Variants in SPAG16 observed in about 807,000 individuals in gnomAD.
SPAG16 encodes the protein sperm-associated antigen 16 protein.
Under a neutral mutation model 80.4 loss-of-function variants are expected in SPAG16, and 86 were observed. The observed-to-expected ratio is 1.07, with a 90% CI of 0.90 to 1.28. The LOEUF (loss-of-function observed/expected upper bound fraction) is 1.28, where lower values mean the gene tolerates loss of function less well. SPAG16 is among the 50% of genes most tolerant of loss of function. The pLI is 0.00. For missense variants in SPAG16, 870 were observed against 765.3 expected (o/e 1.14, Z -1.61); for synonymous variants, 294 against 265.9 (o/e 1.11, Z -1.03).
chr2:213,561,054 A>C (rs955348152), intron 10 of SPAG16, among the ~76,000 whole-genome samples: 3 of 152,020 alleles, frequency 2.0e-5, no homozygotes, highest in Non-Finnish European at 2.9e-5. Context: ...GGTAGAGATG[A>C]GGTTTCAATA....
chr2:214,382,196 A>G (rs1374494395), intron 15 of SPAG16, among the ~76,000 whole-genome samples: 1 of 152,236 alleles, frequency 6.6e-6, no homozygotes, highest in Non-Finnish European at 1.5e-5. Context: ...AGAAAGATCA[A>G]ATCCTCACAG....
rs1041627803 is a variant in SPAG16 at position 213,707,965 on chromosome 2, T to A, written c.1071-154520T>A. Among the ~76,000 whole-genome samples the A allele has an allele frequency of 2.6e-5, 4 of 152,180 alleles. No homozygotes were observed. In the South Asian group the frequency reaches 8.3e-4, roughly 31 times the overall value. ...AGAGTAATGAAAATGTTTTTATCTT[T>A]CTAGGTTACAAATCAATACTATGAC... is the stretch of plus-strand genomic sequence containing the variant. On this transcript the variant is annotated intron_variant, in intron 10 of 15. Coordinates refer to ENST00000331683, the MANE Select transcript of SPAG16 (RefSeq NM_024532.5).
intron 10 of SPAG16, among the ~76,000 whole-genome samples, chr2:213,794,186 T>C (rs2070878262): frequency 6.6e-6 from 1 of 152,132 alleles, no homozygotes; most frequent in Non-Finnish European, 1.5e-5. Flanking sequence ...AGAGTAGTTC[T>C]CCTGTTGTAT....
intron 15 of SPAG16, chr2:214,241,032 T>TAAAG (rs1689429453): frequency 6.6e-6 from 1 of 152,006 alleles, no homozygotes; most frequent in Admixed American, 6.6e-5. Flanking sequence ...CAGCTGTACA[T>TAAAG]AAAGATGGAT....
chr2:213,428,129 A>C (rs943188655), intron 9 of SPAG16, among the ~76,000 whole-genome samples: 1 of 152,226 alleles, frequency 6.6e-6, no homozygotes, highest in Non-Finnish European at 1.5e-5. Flanking sequence ...GCACACAGGA[A>C]TTCAACATAA....
chr2:214,156,700 A>G (rs1000109374), intron 15 of SPAG16, among the ~76,000 whole-genome samples: 4 of 152,228 alleles, frequency 2.6e-5, no homozygotes, highest in South Asian at 4.2e-4. Flanking sequence ...CCCTGAGCCC[A>G]GGTTGCAGCA....
intron 10 of SPAG16, among the ~76,000 whole-genome samples, chr2:213,622,327 A>C (rs937656905): frequency 6.6e-6 from 1 of 152,188 alleles, no homozygotes; most frequent in Admixed American, 6.5e-5. Flanking sequence ...TCAGATCACC[A>C]TGTCCAGACA....
At chr2:213,507,991 C>A (rs1291304762) in intron 10 of SPAG16, among the ~76,000 whole-genome samples, 1 of 152,210 alleles carries the variant, frequency 6.6e-6, no homozygotes, top group East Asian at 1.9e-4. Flanking sequence ...ATGATTGATA[C>A]TTTAAGCTCA....
At chr2:214,069,263 G>C (rs150822655) in intron 13 of SPAG16, among the ~76,000 whole-genome samples, 3 of 152,166 alleles carry the variant, frequency 2.0e-5, no homozygotes, top group Admixed American at 1.3e-4. Flanking sequence ...CCATTGAAAG[G>C]GTTTAATTTT....
chr2:213,571,825 C>A (rs1354738831), intron 10 of SPAG16, among the ~76,000 whole-genome samples: 1 of 111,252 alleles, frequency 9.0e-6, no homozygotes, highest in Non-Finnish European at 1.7e-5. Context: ...TAATATCCTG[C>A]AGAGTGTTTT....
intron 10 of SPAG16, among the ~76,000 whole-genome samples, chr2:213,588,084 A>G (rs1015301317): frequency 2.0e-5 from 3 of 152,222 alleles, no homozygotes; most frequent in African/African-American, 7.2e-5. Flanking sequence ...CAATCACAAA[A>G]TAATCTTTTT....
intron 15 of SPAG16, among the ~76,000 whole-genome samples, chr2:214,349,608 T>C (rs1243802966): frequency 6.6e-6 from 1 of 152,228 alleles, no homozygotes; most frequent in Non-Finnish European, 1.5e-5. Flanking sequence ...GGAATTGATA[T>C]AGCTGGGTCA....
At chr2:213,960,876 C>A (rs1163972842) in intron 12 of SPAG16, among the ~76,000 whole-genome samples, 1 of 152,138 alleles carries the variant, frequency 6.6e-6, no homozygotes, top group Non-Finnish European at 1.5e-5. Flanking sequence ...CAATAGTCAG[C>A]CACTTCTTTC....
chr2:214,106,240 C>G (rs2053376907), intron 13 of SPAG16, among the ~76,000 whole-genome samples: 1 of 151,916 alleles, frequency 6.6e-6, no homozygotes, highest in African/African-American at 2.4e-5. Flanking sequence ...CAAAATTAAC[C>G]AAAAAATTTC....
At chr2:213,502,245 C>G (rs1027145795) in intron 10 of SPAG16, among the ~76,000 whole-genome samples, 1 of 152,096 alleles carries the variant, frequency 6.6e-6, no homozygotes, top group African/African-American at 2.4e-5. Context: ...CCTGTCTCAG[C>G]CTCCCCCGTA....
chr2:214,392,187 G>A (rs1701120843), intron 15 of SPAG16, among the ~76,000 whole-genome samples: 1 of 151,910 alleles, frequency 6.6e-6, no homozygotes. Flanking sequence ...TTTTGAGATA[G>A]GGTTTCACTC....
intron 10 of SPAG16, among the ~76,000 whole-genome samples, chr2:213,739,209 A>G (rs1414274967): frequency 6.6e-6 from 1 of 152,204 alleles, no homozygotes; most frequent in Non-Finnish European, 1.5e-5. Context: ...ACGTAGCCTC[A>G]GTAGGATAAT....
rs563915312 is a variant in SPAG16 at position 214,031,303 on chromosome 2, T to G, written c.1527+17226T>G. On this transcript the variant is annotated intron_variant, in intron 13 of 15. Coordinates refer to ENST00000331683, the MANE Select transcript of SPAG16 (RefSeq NM_024532.5). ...GTCCTTTGTAGGGACATGGATGAAA[T>G]TGGAAATCATCCTTCTCAGTAAACT... 4.5e-4 allele frequency among the ~76,000 whole-genome samples: 68 copies of G among 150,610 alleles called. 2 individuals carry two copies. The South Asian group carries it at 0.014, about 31-fold the overall frequency.
intron 10 of SPAG16, among the ~76,000 whole-genome samples, chr2:213,514,859 T>G (rs2125827196): frequency 6.6e-6 from 1 of 152,072 alleles, no homozygotes; most frequent in Non-Finnish European, 1.5e-5. Flanking sequence ...TATTAAGTTA[T>G]TTTACTATGA....
Sources: gnomAD v4.1 joint callset for allele counts (sites outside exome capture counted in the v4.1 genomes callset) on GRCh38, gnomAD v4.1.1 for gene constraint, MANE v1.5 for transcripts, NCBI Gene and HGNC (gene_info 2026-07-23, HGNC 2026-07-21) for gene names.